The following COL5A2 variants were observed in gnomAD, a reference collection of about 807,000 sequenced individuals.
COL5A2 encodes collagen type V alpha 2 chain.
In COL5A2, 23 loss-of-function variants were observed where a neutral mutation model predicts 208.2. The observed-to-expected ratio is 0.11, with a 90% CI of 0.08 to 0.16. COL5A2 has a LOEUF of 0.16. Among genes scored for constraint, COL5A2 ranks in the 10% least tolerant of loss-of-function variants. COL5A2 has a pLI of 1.00. For missense variants in COL5A2, 1,590 were observed against 1,956.4 expected (o/e 0.81, Z 3.53); for synonymous variants, 625 against 628.5 (o/e 0.99, Z 0.08).
At chr2:189,243,446 TAG>T in the COL5A2 span, among the ~76,000 whole-genome samples, 17 of 152,228 alleles carry the variant, frequency 1.1e-4, no homozygotes, top group Non-Finnish European at 2.2e-4. Flanking sequence ...AGGAAGAAGA[TAG>T]AGAGCTTGCA....
chr2:189,389,586 T>C, the COL5A2 span, among the ~76,000 whole-genome samples: 1 of 152,158 alleles, frequency 6.6e-6, no homozygotes, highest in African/African-American at 2.4e-5. Context: ...TCCATAAATT[T>C]TAGATTGGAA....
the COL5A2 span, among the ~76,000 whole-genome samples, chr2:189,288,065 A>G: frequency 2.0e-5 from 3 of 152,156 alleles, no homozygotes; most frequent in Non-Finnish European, 4.4e-5. Flanking sequence ...TAAAAAAAAG[A>G]TCAGAAAAGA....
At chr2:189,349,313 T>C in the COL5A2 span, among the ~76,000 whole-genome samples, 3 of 152,152 alleles carry the variant, frequency 2.0e-5, no homozygotes, top group Admixed American at 1.3e-4. Context: ...ACTGAATGTA[T>C]GCTGAAAATT....
chr2:189,129,796 G>A (rs1006586222), intron 1 of COL5A2, among the ~76,000 whole-genome samples: 5 of 152,042 alleles, frequency 3.3e-5, no homozygotes, highest in Admixed American at 6.6e-5. Context: ...ATTAAAGACT[G>A]TGTGGTGGGA....
chr2:189,201,739 T>C (rs1689069960), intron 1 of COL5A2, among the ~76,000 whole-genome samples: 1 of 151,850 alleles, frequency 6.6e-6, no homozygotes. Context: ...ACAAACTGCT[T>C]TGAAGGGAAC....
chr2:189,246,833 C>T, the COL5A2 span, among the ~76,000 whole-genome samples: 1 of 152,182 alleles, frequency 6.6e-6, no homozygotes, highest in African/African-American at 2.4e-5. Flanking sequence ...TGGTTGAAGA[C>T]ACAGCCTGAA....
In COL5A2 at chr2:189,066,636, T is replaced by C. The variant is rs565825737; in HGVS notation, c.1455+93A>G. 6.1e-5 allele frequency: 81 copies of C among 1,331,204 alleles called. No homozygotes were observed. The South Asian group carries it at 8.2e-4, about 13-fold the overall frequency. The allele number at this position is 1,331,204 out of a possible 1,614,324, so 82.5% of individuals were successfully genotyped here. ...ATATTTTCATCTCAAGCTATTATAA[T>C]TCTCATTATTATTTTAAACCCTTGA... On this transcript the variant is annotated intron_variant, in intron 22 of 53. Coordinates refer to ENST00000374866, the MANE Select transcript of COL5A2 (RefSeq NM_000393.5).
intron 7 of COL5A2, among the ~76,000 whole-genome samples, chr2:189,089,063 C>T (rs1042599163): frequency 6.6e-6 from 1 of 152,174 alleles, no homozygotes; most frequent in Non-Finnish European, 1.5e-5. Flanking sequence ...CTGATAAGCA[C>T]TAGCCAGTCT....
intron 1 of COL5A2, among the ~76,000 whole-genome samples, chr2:189,115,015 T>C (rs978279667): frequency 6.6e-6 from 1 of 152,158 alleles, no homozygotes; most frequent in Non-Finnish European, 1.5e-5. Context: ...GATAATACCA[T>C]CACTATTTTG....
chr2:189,140,051 C>T (rs554737979), intron 1 of COL5A2, among the ~76,000 whole-genome samples: 25 of 151,050 alleles, frequency 1.7e-4, no homozygotes, highest in Admixed American at 5.3e-4. Context: ...CCAGTCTGGG[C>T]GACACAGAGA....
the COL5A2 span, among the ~76,000 whole-genome samples, chr2:189,310,241 T>C: frequency 1.3e-5 from 2 of 151,880 alleles, no homozygotes; most frequent in Non-Finnish European, 2.9e-5. Flanking sequence ...AACAATCCAA[T>C]AAAAAAACCG....
At chr2:189,346,600 AAT>A in the COL5A2 span, among the ~76,000 whole-genome samples, 1 of 152,202 alleles carries the variant, frequency 6.6e-6, no homozygotes, top group Non-Finnish European at 1.5e-5. Flanking sequence ...TATAATTTAA[AAT>A]ATATATGACT....
the COL5A2 span, among the ~76,000 whole-genome samples, chr2:189,378,101 G>T: frequency 7.2e-4 from 110 of 152,070 alleles, no homozygotes; most frequent in African/African-American, 2.6e-3. Context: ...CCTAAAGAAT[G>T]TATACACTTT....
At chr2:189,411,929 G>C in the COL5A2 span, among the ~76,000 whole-genome samples, 3 of 152,176 alleles carry the variant, frequency 2.0e-5, no homozygotes, top group South Asian at 4.1e-4. Flanking sequence ...AAAGACACTA[G>C]ACGATTCTCC....
At chr2:189,231,548 T>G in the COL5A2 span, among the ~76,000 whole-genome samples, 2 of 151,756 alleles carry the variant, frequency 1.3e-5, no homozygotes, top group Non-Finnish European at 2.9e-5. Context: ...TACATACTGA[T>G]TCATGTAGAT....
At chr2:189,048,381 T>C in intron 44 of COL5A2, 119 bp from the exon 45 acceptor site, 2 of 842,362 alleles carry the variant, frequency 2.4e-6, no homozygotes, top group Non-Finnish European at 4.0e-6. Context: ...TCAGTTAGCA[T>C]TTATGCAAAT....
At chr2:189,396,568 G>A in the COL5A2 span, among the ~76,000 whole-genome samples, 12 of 151,440 alleles carry the variant, frequency 7.9e-5, no homozygotes, top group Non-Finnish European at 1.3e-4. Context: ...GAGCTACTCC[G>A]GAGCCTGAGG....
At chr2:189,050,726 A>G in intron 42 of COL5A2, 50 bp from the exon 43 acceptor site, 1 of 1,453,864 alleles carries the variant, frequency 6.9e-7, no homozygotes. Flanking sequence ...GTAAAACTGT[A>G]CCCAAGGAAT....
chr2:189,425,243 T>C, the COL5A2 span, among the ~76,000 whole-genome samples: 2 of 152,328 alleles, frequency 1.3e-5, no homozygotes, highest in East Asian at 1.9e-4. Flanking sequence ...TCTTGCACAC[T>C]GTTGGTGGGA....
Sources: allele counts gnomAD v4.1 joint callset (sites outside exome capture counted in the v4.1 genomes callset), GRCh38; gene constraint gnomAD v4.1.1; transcripts MANE v1.5; gene names NCBI Gene and HGNC (gene_info 2026-07-23, HGNC 2026-07-21).